The following NEK10 variants were observed in gnomAD, a reference collection of about 807,000 sequenced individuals.
The protein encoded by NEK10 is serine/threonine-protein kinase Nek10.
In NEK10, 122 loss-of-function variants were observed where a neutral mutation model predicts 159.8. The ratio of observed to expected loss-of-function variants is 0.76; its 90% CI spans 0.66 to 0.89. The LOEUF is 0.89. Ranked by LOEUF, NEK10 falls within the 40% of genes least tolerant of loss-of-function variation. The probability of loss-of-function intolerance (pLI) is 0.00; values close to 1 mark genes in which losing one functional copy is unlikely to be tolerated. For synonymous variants in NEK10, 466 were observed against 457.1 expected (o/e 1.02, Z -0.25); for missense variants, 1,342 against 1,323.1 (o/e 1.01, Z -0.22).
Position 27,344,328 on chromosome 3 carries a change from C to A in NEK10, c.306G>T (p.Gln102His). 6.3e-7 allele frequency: 1 copy of A among 1,597,806 alleles called. No individual in the cohort carries two copies. The change falls in exon 5 of 36, where the codon CAG becomes CAT. Residue 102 changes from glutamine (Q) to histidine (H), a missense_variant. Physicochemically the swap from Gln to His is conservative, Grantham distance 24. Coordinates refer to ENST00000691995, the MANE Select transcript of NEK10 (RefSeq NM_001394966.1). ...KNERNFSKHP[Q>H]RKLFQEIFTA... is the part of the protein sequence containing the mutation. The stretch of plus-strand genomic sequence containing the variant: ...TAAAGATCTCCTGAAATAGTTTACG[C>A]TGAGGATGTTTGCTGAAATTTCTCT...
intron 6 of NEK10, among the ~76,000 whole-genome samples, chr3:27,314,626 A>C (rs1466138295): frequency 6.6e-6 from 1 of 152,184 alleles, no homozygotes; most frequent in Non-Finnish European, 1.5e-5. Flanking sequence ...AAAATGTTCG[A>C]GTTGAGAAGA....
chr3:27,298,057 TA>T (rs1433715097), intron 13 of NEK10, among the ~76,000 whole-genome samples: 2 of 152,216 alleles, frequency 1.3e-5, no homozygotes, highest in African/African-American at 4.8e-5. Flanking sequence ...CAAGGCCATA[TA>T]GCCATCAATG....
intron 23 of NEK10, among the ~76,000 whole-genome samples, chr3:27,227,426 A>G (rs1952750218): frequency 6.6e-6 from 1 of 152,194 alleles, no homozygotes; most frequent in Non-Finnish European, 1.5e-5. Context: ...ATTAGCATAA[A>G]GGTTAGAGTC....
At chr3:27,291,791 T>G (rs374022753) in intron 16 of NEK10, among the ~76,000 whole-genome samples, 1 of 152,042 alleles carries the variant, frequency 6.6e-6, no homozygotes, top group Non-Finnish European at 1.5e-5. Context: ...TACAGGTGCC[T>G]GCCACCATGC....
At chr3:27,190,409 G>A (rs1044495193) in intron 26 of NEK10, among the ~76,000 whole-genome samples, 1 of 152,128 alleles carries the variant, frequency 6.6e-6, no homozygotes, top group Admixed American at 6.6e-5. Context: ...TACAGGATTA[G>A]CCCTTAATAG....
chr3:27,261,763 A>G (rs1183377273), intron 22 of NEK10, among the ~76,000 whole-genome samples: 2 of 152,124 alleles, frequency 1.3e-5, no homozygotes, highest in African/African-American at 4.8e-5. Flanking sequence ...GCTGAGTTCA[A>G]TTCCTGGATA....
At chr3:27,277,293 C>A (rs1159926599) in intron 22 of NEK10, among the ~76,000 whole-genome samples, 1 of 152,136 alleles carries the variant, frequency 6.6e-6, no homozygotes, top group Non-Finnish European at 1.5e-5. Flanking sequence ...CACTCTCAGA[C>A]CCCTTGTTGT....
intron 3 of NEK10, among the ~76,000 whole-genome samples, chr3:27,347,138 T>C (rs2047610463): frequency 6.6e-6 from 1 of 152,210 alleles, no homozygotes; most frequent in Non-Finnish European, 1.5e-5. Flanking sequence ...AGTAAATTTT[T>C]CCATTTTATA....
chr3:27,272,257 C>T (rs935262719), intron 22 of NEK10, among the ~76,000 whole-genome samples: 2 of 152,174 alleles, frequency 1.3e-5, no homozygotes, highest in African/African-American at 4.8e-5. Context: ...TATAAAGCAC[C>T]TGCCACTTCC....
intron 23 of NEK10, among the ~76,000 whole-genome samples, chr3:27,226,806 A>G (rs1952694066): frequency 6.6e-6 from 1 of 152,246 alleles, no homozygotes; most frequent in Non-Finnish European, 1.5e-5. Flanking sequence ...AACCACTTCT[A>G]TCAACTATAT....
At chr3:27,305,805 A>C (rs939503641) in intron 11 of NEK10, among the ~76,000 whole-genome samples, 2 of 152,146 alleles carry the variant, frequency 1.3e-5, no homozygotes, top group Non-Finnish European at 2.9e-5. Flanking sequence ...CACAAGGTTC[A>C]GCTGTGCCAT....
At chr3:27,260,395 T>C (rs1278236048) in intron 22 of NEK10, among the ~76,000 whole-genome samples, 1 of 152,214 alleles carries the variant, frequency 6.6e-6, no homozygotes, top group Non-Finnish European at 1.5e-5. Context: ...ATAGGTCCCA[T>C]CAATACCTAA....
chr3:27,258,124 G>A (rs1273936403), intron 22 of NEK10, among the ~76,000 whole-genome samples: 3 of 151,624 alleles, frequency 2.0e-5, no homozygotes, highest in Non-Finnish European at 4.4e-5. Flanking sequence ...TATAAAATAA[G>A]GATTATAATA....
At chr3:27,280,432 C>T (rs910776768) in intron 22 of NEK10, among the ~76,000 whole-genome samples, 5 of 152,108 alleles carry the variant, frequency 3.3e-5, no homozygotes, top group Non-Finnish European at 5.9e-5. Context: ...ATCAAGCACC[C>T]TCTGCCACTA....
intron 23 of NEK10, among the ~76,000 whole-genome samples, chr3:27,208,542 G>A (rs1950725224): frequency 6.6e-6 from 1 of 152,142 alleles, no homozygotes; most frequent in Non-Finnish European, 1.5e-5. Flanking sequence ...TGGTGATCAG[G>A]GAAATGAGAA....
In NEK10 at chr3:27,284,845, T is replaced by C. The variant is rs1348138137; in HGVS notation, c.1906A>G (p.Ile636Val). 6.3e-7 allele frequency: 1 copy of C among 1,582,584 alleles called. No individual in the cohort carries two copies. The highest frequency in any genetic ancestry group is 1.7e-5 in the Admixed American group (1 of 59,320). Residue 636 changes from isoleucine to valine, a missense_variant, in exon 21 of 36, where the codon ATA becomes GTA. Physicochemically the swap from Ile to Val is conservative, Grantham distance 29. Transcript: ENST00000691995. ...TAATGAAGATAAAAGCATACCTGTA[T>C]AAATATTTTCCATAGTCTTTCTTCA... ...FTEERLWKIF[I>V]QLCLALRYLH...
intron 13 of NEK10, among the ~76,000 whole-genome samples, chr3:27,297,949 A>C (rs1322367965): frequency 6.6e-6 from 1 of 152,190 alleles, no homozygotes; most frequent in African/African-American, 2.4e-5. Context: ...ATATATTCCC[A>C]CATAATTCTC....
chr3:27,280,026 G>A (rs927695033), intron 22 of NEK10, among the ~76,000 whole-genome samples: 1 of 148,864 alleles, frequency 6.7e-6, no homozygotes, highest in East Asian at 2.0e-4. Context: ...AATTGGCTGG[G>A]TGTTGTGGGT....
chr3:27,141,702 A>G (rs1010601982), intron 30 of NEK10, 120 bp from the exon 31 acceptor site: 5 of 660,296 alleles, frequency 7.6e-6, no homozygotes, highest in Non-Finnish European at 1.3e-5. Flanking sequence ...CAATGAGACA[A>G]TATGCAGAGA....
Sources: gnomAD v4.1 joint callset for allele counts (sites outside exome capture counted in the v4.1 genomes callset) on GRCh38, gnomAD v4.1.1 for gene constraint, MANE v1.5 for transcripts, NCBI Gene and HGNC (gene_info 2026-07-23, HGNC 2026-07-21) for gene names.